SCRN1: variants seen among roughly 807,000 people sequenced by gnomAD.
SCRN1 encodes secernin 1, also known as secernin-1.
SCRN1 carries 19 observed loss-of-function variants against 43.3 expected under a neutral mutation model. The ratio of observed to expected loss-of-function variants is 0.44; its 90% CI spans 0.31 to 0.64. The LOEUF (loss-of-function observed/expected upper bound fraction) is 0.64, where lower values mean the gene tolerates loss of function less well. Among genes scored for constraint, SCRN1 ranks in the 30% least tolerant of loss-of-function variants. SCRN1 has a pLI of 0.09. For missense variants in SCRN1, 447 were observed against 524.1 expected (o/e 0.85, Z 1.44); for synonymous variants, 183 against 188.9 (o/e 0.97, Z 0.26).
rs558920169 is a variant in SCRN1, at chr7:29,971,647, A to G, written c.-1-2579T>C. 2.5e-3 allele frequency among the ~76,000 whole-genome samples: 386 copies of G among 152,234 alleles called. 1 individual carries two copies. Among genetic ancestry groups the G allele is most frequent in the African/African-American group, 9.0e-3 (375 of 41,546 alleles). On this transcript the variant is annotated intron_variant, in intron 1 of 7. Transcript: ENST00000242059. ...AGACCCTGTCTCAAAAAAAAAAAAA[A>G]AAAACTTTATTTGGGTTTTGACTGT...
In SCRN1 at chr7:29,968,474, A is replaced by G. The variant is rs1436369816; in HGVS notation, c.159+435T>C. Among the ~76,000 whole-genome samples, 3 of 152,220 alleles carry G rather than the reference A, an allele frequency of 2.0e-5. No individual in the cohort carries two copies. The East Asian group carries it at 5.8e-4, about 29-fold the overall frequency. On this transcript the variant is annotated intron_variant, in intron 2 of 7. Transcript: ENST00000242059. The stretch of plus-strand genomic sequence containing the variant: ...TATGGCATGCTGCTGTTAATCGAAG[A>G]AAGGAGGAAAGGGACCAGGATGAAT...
intron 1 of SCRN1, among the ~76,000 whole-genome samples, chr7:29,982,682 CAAAA>C (rs10538004): frequency 4.6e-5 from 3 of 64,740 alleles, no homozygotes; most frequent in African/African-American, 5.7e-5. Flanking sequence ...GACCCTGTCT[CAAAA>C]AAAAAAAAAA....
chr7:29,977,266 G>T lies in SCRN1; in HGVS notation c.-1-8198C>A, dbSNP rs574744060. 7.9e-5 allele frequency among the ~76,000 whole-genome samples: 12 copies of T among 152,250 alleles called. No individual in the cohort carries two copies. In the East Asian group the frequency reaches 2.3e-3, roughly 29 times the overall value. The stretch of plus-strand genomic sequence containing the variant: ...TATTCTCCACACTACCAGCTTTATT[G>T]AGCAGACTGAATACATTTAAATTCA... On this transcript the variant is annotated intron_variant, in intron 1 of 7. Coordinates refer to ENST00000242059, the MANE Select transcript of SCRN1 (RefSeq NM_014766.5).
chr7:29,936,174 A>T lies in SCRN1; in HGVS notation c.905+382T>A, dbSNP rs546283746. 9.9e-5 allele frequency among the ~76,000 whole-genome samples: 15 copies of T among 152,278 alleles called. No homozygotes were observed. The South Asian group carries it at 2.9e-3, about 29-fold the overall frequency. On this transcript the variant is annotated intron_variant, in intron 6 of 7. Transcript: ENST00000242059. ...TTTGATAAATCATGAGCATTCCCAC[A>T]TCTCTCTGTCTCGCTGTGTTTTGTT...
At chr7:29,957,477 T>C (rs113664503) in intron 2 of SCRN1, among the ~76,000 whole-genome samples, 4 of 152,254 alleles carry the variant, frequency 2.6e-5, no homozygotes, top group Non-Finnish European at 5.9e-5. Context: ...ACAGAACTGA[T>C]GGACTTATTA....
chr7:29,961,297 T>C (rs2128095652), intron 2 of SCRN1, among the ~76,000 whole-genome samples: 1 of 139,100 alleles, frequency 7.2e-6, no homozygotes. Flanking sequence ...CCTTCAAGCA[T>C]CTGTTTAACA....
At chr7:29,931,612 G>A (rs1183974128) in intron 6 of SCRN1, among the ~76,000 whole-genome samples, 1 of 152,156 alleles carries the variant, frequency 6.6e-6, no homozygotes, top group Non-Finnish European at 1.5e-5. Context: ...TTATGCTTTA[G>A]AATTTAGAAT....
intron 6 of SCRN1, among the ~76,000 whole-genome samples, chr7:29,929,162 C>A (rs1364475078): frequency 1.3e-5 from 2 of 152,232 alleles, no homozygotes; most frequent in Non-Finnish European, 1.5e-5. Flanking sequence ...GGCACAGAAA[C>A]CCTTCAGTGG....
At chr7:29,976,536 T>G (rs1788841830) in intron 1 of SCRN1, among the ~76,000 whole-genome samples, 1 of 152,214 alleles carries the variant, frequency 6.6e-6, no homozygotes, top group South Asian at 2.1e-4. Context: ...ACTTCTGAAC[T>G]CTACAGTTAA....
chr7:29,988,524 T>A (rs1037277196), intron 1 of SCRN1: 3 of 152,360 alleles, frequency 2.0e-5, no homozygotes, highest in Non-Finnish European at 4.4e-5. Context: ...AGGGGGCAGC[T>A]GATGGTTGTG....
intron 1 of SCRN1, chr7:29,970,018 T>A: frequency 2.6e-6 from 1 of 384,572 alleles, no homozygotes; most frequent in Non-Finnish European, 5.3e-6. Flanking sequence ...GCCACCACCC[T>A]GCACCAAGCC....
intron 2 of SCRN1, among the ~76,000 whole-genome samples, chr7:29,962,207 CAATT>C (rs1306582642): frequency 6.9e-6 from 1 of 145,948 alleles, no homozygotes; most frequent in Non-Finnish European, 1.5e-5. Flanking sequence ...TTAAATTATA[CAATT>C]ATTAAATATA....
At chr7:29,926,233 A>C (rs1288453581) in intron 7 of SCRN1, among the ~76,000 whole-genome samples, 2 of 152,232 alleles carry the variant, frequency 1.3e-5, no homozygotes, top group Non-Finnish European at 2.9e-5. Flanking sequence ...ATAACATGAG[A>C]AGCAGAAGCT....
chr7:29,955,485 A>G (rs979466884), intron 2 of SCRN1, 125 bp from the exon 3 acceptor site: 8 of 861,790 alleles, frequency 9.3e-6, no homozygotes, highest in African/African-American at 6.8e-5. Context: ...AGGCCTTGGG[A>G]ATACCCTGAT....
At chr7:29,942,049 G>A (rs1486706210) in intron 4 of SCRN1, among the ~76,000 whole-genome samples, 1 of 152,198 alleles carries the variant, frequency 6.6e-6, no homozygotes, top group Non-Finnish European at 1.5e-5. Context: ...ATTCCTGGCT[G>A]GTAGGCATTG....
chr7:29,947,265 A>G, intron 3 of SCRN1: 1 of 1,550,780 alleles, frequency 6.4e-7, no homozygotes, highest in Non-Finnish European at 8.7e-7. Flanking sequence ...GGAGCCCATG[A>G]CCTTCTCACA....
At chr7:29,937,032 C>A (rs1264689338) in intron 5 of SCRN1, among the ~76,000 whole-genome samples, 1 of 152,004 alleles carries the variant, frequency 6.6e-6, no homozygotes, top group African/African-American at 2.4e-5. Flanking sequence ...GGCGACAGAG[C>A]GAGACTCTGT....
intron 1 of SCRN1, among the ~76,000 whole-genome samples, chr7:29,985,785 C>T (rs1692317855): frequency 6.6e-6 from 1 of 152,314 alleles, no homozygotes; most frequent in African/African-American, 2.4e-5. Flanking sequence ...CCTTCTCTCC[C>T]TTTACAGTTT....
intron 1 of SCRN1, among the ~76,000 whole-genome samples, chr7:29,971,457 A>G (rs1479142491): frequency 6.6e-6 from 1 of 151,972 alleles, no homozygotes; most frequent in Non-Finnish European, 1.5e-5. Context: ...ACATGGAGAG[A>G]CCCTGTTTCC....
Sources: gnomAD v4.1 joint callset for allele counts (sites outside exome capture counted in the v4.1 genomes callset) on GRCh38, gnomAD v4.1.1 for gene constraint, MANE v1.5 for transcripts, NCBI Gene and HGNC (gene_info 2026-07-23, HGNC 2026-07-21) for gene names.